The following IPO8 variants were observed in gnomAD, a reference collection of about 807,000 sequenced individuals.
IPO8 encodes the protein importin-8.
In IPO8, 65 loss-of-function variants were observed where a neutral mutation model predicts 141.2. The observed-to-expected ratio is 0.46, with a 90% CI of 0.38 to 0.57. IPO8 has a LOEUF of 0.57. Ranked by LOEUF, IPO8 falls within the 20% of genes least tolerant of loss-of-function variation. The pLI, the probability that IPO8 is intolerant of heterozygous loss-of-function variation, is 0.00. For synonymous variants in IPO8, 411 were observed against 420.3 expected, an observed-to-expected ratio of 0.98 and a Z score of 0.27; for missense variants, 980 against 1,246.8, an observed-to-expected ratio of 0.79 and a Z score of 3.22.
intron 20 of IPO8, among the ~76,000 whole-genome samples, chr12:30,645,764 T>C (rs1369110649): frequency 5.3e-5 from 8 of 151,522 alleles, no homozygotes; most frequent in Admixed American, 5.3e-4. Flanking sequence ...CGTTGAAAAA[T>C]TCCAAGATGC....
At chr12:30,665,179 A>G in intron 13 of IPO8, 41 bp downstream of exon 13, 1 of 1,083,020 alleles carries the variant, frequency 9.2e-7, no homozygotes, top group African/African-American at 1.6e-5. Flanking sequence ...TAATTATCTT[A>G]TGAAGATTTA....
At chr12:30,665,979 A>G in intron 11 of IPO8, 134 bp from the exon 12 acceptor site, 1 of 683,190 alleles carries the variant, frequency 1.5e-6, no homozygotes, top group Non-Finnish European at 2.4e-6. Flanking sequence ...GCTCAATAAG[A>G]AAAGTATAAT....
rs148376849 is a variant in IPO8 at position 30,637,129 on chromosome 12, G to A, written c.2548C>T (p.Arg850Ter). The A allele has an allele frequency of 1.9e-6, 3 of 1,613,772 alleles. No homozygotes were observed. In the South Asian group the frequency reaches 3.3e-5, roughly 18 times the overall value. Residue 850 changes from arginine (R) to a stop codon, truncating the protein, a stop_gained, in exon 22 of 25, where the codon CGA (arginine) becomes TGA (stop). Coordinates refer to ENST00000256079, the MANE Select transcript of IPO8 (RefSeq NM_006390.4). LOFTEE classifies it high-confidence loss of function. ...ACCACAGCATCTACTGCAGGAGGTC[G>A]ATTTTGCAATTCCAAAAGGATACTC... ...GLSILLELQN[R>*]PPAVDAVVGQ...
In IPO8 at chr12:30,671,043, A is replaced by G. The variant is rs1394097389; in HGVS notation, c.963T>C (p.Arg321=). 6.2e-7 allele frequency: 1 copy of G among 1,609,936 alleles called. No individual in the cohort carries two copies. The highest frequency in any genetic ancestry group is 8.5e-7 in the Non-Finnish European group (1 of 1,176,210). ...GATAGTTGAATGCTTGCTGAAGAACACGGGGAGCTACATATTCTTTCTGTC... is the reference window on the plus strand; with the variant it reads ...GATAGTTGAATGCTTGCTGAAGAACGCGGGGAGCTACATATTCTTTCTGTC... ...QYRQKEYVAP[R]VLQQAFNYLN... Residue 321 remains arginine (R), a synonymous_variant, in exon 9 of 25, where the codon CGT becomes CGC. Coordinates refer to ENST00000256079, the MANE Select transcript of IPO8 (RefSeq NM_006390.4).
chr12:30,676,475 T>C, intron 6 of IPO8, 23 bp downstream of exon 6: 1 of 1,561,428 alleles, frequency 6.4e-7, no homozygotes, highest in Non-Finnish European at 8.8e-7. Context: ...CCCCTATTTT[T>C]CTTGGGAAAA....
At chr12:30,664,012 G>C (rs1170453909) in intron 13 of IPO8, among the ~76,000 whole-genome samples, 1 of 152,010 alleles carries the variant, frequency 6.6e-6, no homozygotes, top group African/African-American at 2.4e-5. Flanking sequence ...GTCACACTTA[G>C]GTAAAACATT....
At chr12:30,639,821 A>C in intron 20 of IPO8, 86 bp from the exon 21 acceptor site, 3 of 891,770 alleles carry the variant, frequency 3.4e-6, no homozygotes, top group Non-Finnish European at 5.5e-6. Context: ...CATTCTCAAT[A>C]AATAAGACAG....
chr12:30,659,661 C>T (rs1221271470), intron 16 of IPO8, among the ~76,000 whole-genome samples: 1 of 151,286 alleles, frequency 6.6e-6, no homozygotes, highest in East Asian at 2.0e-4. Context: ...ACCCTCCTGG[C>T]TAACAAGGTG....
intron 1 of IPO8, chr12:30,694,841 T>G (rs2053321700): frequency 5.5e-6 from 2 of 361,874 alleles, no homozygotes; most frequent in Non-Finnish European, 1.1e-5. Context: ...AGCTGGAGTT[T>G]GGGATCATTA....
At position 30,629,785 on chromosome 12, in the gene IPO8, A is replaced by T. The variant is rs1342085653; in HGVS notation, c.*1075T>A. 1 of 152,166 alleles carries T rather than the reference A, an allele frequency of 6.6e-6. No homozygotes were observed. Among genetic ancestry groups the T allele is most frequent in the South Asian group, 2.1e-4 (1 of 4,836 alleles). 9.4% of individuals were successfully genotyped at this position (152,166 alleles called of 1,614,324 possible). ...ACTGAGCTATAATAAAGACACAAAC[A>T]AATTAGGTAGGAGAAAATTCAAATA... On this transcript the variant is annotated 3_prime_UTR_variant, in exon 25 of 25. Coordinates refer to ENST00000256079, the MANE Select transcript of IPO8 (RefSeq NM_006390.4).
intron 19 of IPO8, 133 bp from the exon 20 acceptor site, chr12:30,649,365 C>A (rs1259582699): frequency 1.9e-6 from 1 of 534,790 alleles, no homozygotes; most frequent in Non-Finnish European, 3.3e-6. Context: ...TTTACCTCAC[C>A]AACCCAAAGA....
rs149959572 is a variant in IPO8 at position 30,683,287 on chromosome 12, C to T, written c.323+1014G>A. Among the ~76,000 whole-genome samples the T allele has an allele frequency of 2.4e-3, 362 of 152,264 alleles. 2 individuals are homozygous for T. The highest frequency in any genetic ancestry group is 7.7e-3 in the African/African-American group (319 of 41,568). On this transcript the variant is annotated intron_variant, in intron 3 of 24. Coordinates refer to ENST00000256079, the MANE Select transcript of IPO8 (RefSeq NM_006390.4). ...GATTTTTTCTTTTTAACCAGTACAC[C>T]TATTTTCTCCTCTTAACAAATTAAT...
chr12:30,680,372 A>G (rs1436833741), intron 5 of IPO8, 110 bp downstream of exon 5: 2 of 781,652 alleles, frequency 2.6e-6, no homozygotes, highest in South Asian at 2.5e-5. Context: ...AAAGAAATAT[A>G]TGGGATAATA....
In IPO8 at chr12:30,652,929, C is replaced by A. The variant is rs761857177; in HGVS notation, c.2074+38G>T. 7.1e-6 allele frequency: 11 copies of A among 1,558,730 alleles called. No individual in the cohort carries two copies. The Admixed American group carries it at 1.3e-4, about 18-fold the overall frequency. On this transcript the variant is annotated intron_variant, in intron 18 of 24. Coordinates refer to ENST00000256079, the MANE Select transcript of IPO8 (RefSeq NM_006390.4). ...GTGTCAACAGGAAGAAGTATCTAGACACAGAAAAGCAAAAATTTTATATGG... is the reference window on the plus strand; with the variant it reads ...GTGTCAACAGGAAGAAGTATCTAGAAACAGAAAAGCAAAAATTTTATATGG...
At chr12:30,690,165 T>C (rs1405756289) in intron 2 of IPO8, among the ~76,000 whole-genome samples, 1 of 152,192 alleles carries the variant, frequency 6.6e-6, no homozygotes, top group Admixed American at 6.5e-5. Context: ...TCTTAATCTA[T>C]GGGCCCAGAG....
chr12:30,680,344 T>C lies in IPO8; in HGVS notation c.639+138A>G, dbSNP rs528849600. 124 of 606,910 alleles carry C rather than the reference T, an allele frequency of 2.0e-4. No homozygotes were observed. In the African/African-American group the frequency reaches 2.1e-3, roughly 10 times the overall value. 37.6% of individuals were successfully genotyped at this position (606,910 alleles called of 1,614,324 possible). On this transcript the variant is annotated intron_variant, in intron 5 of 24. Transcript: ENST00000256079. ...GGGTAATTAATTTCTGTGAACCTGT[T>C]CCTCATAAGCATTTTTTAAAGAAAT...
intron 1 of IPO8, among the ~76,000 whole-genome samples, chr12:30,690,831 T>G (rs1196316590): frequency 6.6e-6 from 1 of 152,202 alleles, no homozygotes; most frequent in Non-Finnish European, 1.5e-5. Flanking sequence ...TCTCCAGAAG[T>G]AGTATACCAA....
At chr12:30,644,955 A>G (rs1271337045) in intron 20 of IPO8, among the ~76,000 whole-genome samples, 1 of 152,014 alleles carries the variant, frequency 6.6e-6, no homozygotes, top group African/African-American at 2.4e-5. Flanking sequence ...GCCCCGCCAC[A>G]AAGATGAACT....
At chr12:30,692,029 T>C (rs774881115) in intron 1 of IPO8, among the ~76,000 whole-genome samples, 1 of 152,228 alleles carries the variant, frequency 6.6e-6, no homozygotes, top group Non-Finnish European at 1.5e-5. Context: ...CAACCGTTGA[T>C]AGGAGGCAAA....
Sources: gnomAD v4.1 joint callset for allele counts (sites outside exome capture counted in the v4.1 genomes callset) on GRCh38, gnomAD v4.1.1 for gene constraint, MANE v1.5 for transcripts, NCBI Gene and HGNC (gene_info 2026-07-23, HGNC 2026-07-21) for gene names.